The following SDC2 variants were observed in gnomAD, a reference collection of about 807,000 sequenced individuals.
SDC2 encodes syndecan 2.
In SDC2, 13 loss-of-function variants were observed where a neutral mutation model predicts 22.2. That is an observed-to-expected ratio of 0.59 (90% CI 0.38 to 0.93). SDC2 has a LOEUF of 0.93. Ranked by LOEUF, SDC2 falls within the 40% of genes least tolerant of loss-of-function variation. SDC2 has a pLI of 0.00. For missense variants in SDC2, 235 were observed against 246.8 expected, an observed-to-expected ratio of 0.95 and a Z score of 0.32; for synonymous variants, 94 against 92.8, an observed-to-expected ratio of 1.01 and a Z score of -0.07.
At chr8:96,530,389 T>C (rs1813641477) in intron 1 of SDC2, among the ~76,000 whole-genome samples, 1 of 152,218 alleles carries the variant, frequency 6.6e-6, no homozygotes, top group Admixed American at 6.5e-5. Context: ...ATCCCAGCAC[T>C]TTGGGAGGCC....
Position 96,494,275 on chromosome 8 carries a change from C to G in SDC2, c.4C>G (p.Arg2Gly). M[R>G]RAWILLTLGL... ...GAGCAGCCGGTCCCTGGGGAATATG[C>G]GGCGCGCGTGGATCCTGCTCACCTT... Residue 2 changes from arginine (R) to glycine (G), a missense_variant, in exon 1 of 5, where the codon CGG becomes GGG. By Grantham distance (125) the Arg-to-Gly change is moderately radical (BLOSUM62 -2). Coordinates refer to ENST00000302190, the MANE Select transcript of SDC2 (RefSeq NM_002998.4). 6.5e-7 allele frequency: 1 copy of G among 1,545,218 alleles called. No individual in the cohort carries two copies. Among genetic ancestry groups the G allele is most frequent in the Non-Finnish European group, 8.7e-7 (1 of 1,148,678 alleles).
chr8:96,583,685 A>ATATG (rs1814631832), intron 1 of SDC2, among the ~76,000 whole-genome samples: 2 of 142,616 alleles, frequency 1.4e-5, no homozygotes, highest in South Asian at 2.3e-4. Flanking sequence ...TTTGAAATAT[A>ATATG]TGTGTGTGTG....
At chr8:96,554,261 AC>A (rs1454452562) in intron 1 of SDC2, among the ~76,000 whole-genome samples, 2 of 152,200 alleles carry the variant, frequency 1.3e-5, no homozygotes, top group Non-Finnish European at 2.9e-5. Context: ...GTATTGAAAT[AC>A]GTATTTGAGT....
intron 1 of SDC2, among the ~76,000 whole-genome samples, chr8:96,559,712 G>A (rs2439528): frequency 0.91 from 138,877 of 152,202 alleles, 63,599 homozygotes; most frequent in African/African-American, 0.94. Flanking sequence ...AGGTCTTGTA[G>A]TCTCCATTCT....
chr8:96,591,026 T>G (rs985353845), intron 1 of SDC2, among the ~76,000 whole-genome samples: 1 of 152,172 alleles, frequency 6.6e-6, no homozygotes, highest in Non-Finnish European at 1.5e-5. Context: ...CTTGTCAGAC[T>G]GCCAGTGTGG....
rs1814787891 is a variant in SDC2, at chr8:96,591,903, A to G, written c.61-1577A>G. Reference sequence around the variant, plus strand: ...CCTTTAAAGGAGCTGAGAGCCTAAGAGGAGGCAGTTGATGATAGAGCTGTA... The same window carrying G: ...CCTTTAAAGGAGCTGAGAGCCTAAGGGGAGGCAGTTGATGATAGAGCTGTA... On this transcript the variant is annotated intron_variant, in intron 1 of 4. Coordinates refer to ENST00000302190, the MANE Select transcript of SDC2 (RefSeq NM_002998.4). Among the ~76,000 whole-genome samples the G allele has an allele frequency of 1.3e-5, 2 of 152,142 alleles. 1 individual carries two copies. The highest frequency in any genetic ancestry group is 1.3e-4 in the Admixed American group (2 of 15,266).
chr8:96,602,012 C>A (rs1049762126), intron 2 of SDC2, among the ~76,000 whole-genome samples: 1 of 152,146 alleles, frequency 6.6e-6, no homozygotes, highest in African/African-American at 2.4e-5. Flanking sequence ...CTCTCCTCGG[C>A]CTCCCAAAGT....
At position 96,507,741 on chromosome 8, in the gene SDC2, T is replaced by TAAA. The variant is rs1813263981; in HGVS notation, c.60+13411_60+13412insAAA. On this transcript the variant is annotated intron_variant, in intron 1 of 4. Transcript: ENST00000302190. ...AGAAAACGAACATTCCTTGGATTTT[T>TAAA]ATGCTAAAAATATGTCAGTGCCTTC... Among the ~76,000 whole-genome samples, 4 of 152,370 alleles carry TAAA rather than the reference T, an allele frequency of 2.6e-5. No homozygotes were observed. The South Asian group carries it at 8.3e-4, about 32-fold the overall frequency.
Position 96,593,302 on chromosome 8 carries a change from C to G in SDC2, c.61-178C>G, listed in dbSNP as rs528954910. Among the ~76,000 whole-genome samples the G allele has an allele frequency of 2.6e-4, 40 of 152,316 alleles. No homozygotes were observed. The South Asian group carries it at 4.1e-3, about 16-fold the overall frequency. The stretch of plus-strand genomic sequence containing the variant: ...TTGCAGGTTATTAGTCCGTGCTCAC[C>G]TCTCAAATTGCTGTTAAGTTGTCAG... On this transcript the variant is annotated intron_variant, in intron 1 of 4. Transcript: ENST00000302190.
chr8:96,507,040 A>AG (rs1813252754), intron 1 of SDC2, among the ~76,000 whole-genome samples: 1 of 151,596 alleles, frequency 6.6e-6, no homozygotes, highest in Non-Finnish European at 1.5e-5. Context: ...AAGATAGCTA[A>AG]GTAATCAAAG....
intron 1 of SDC2, among the ~76,000 whole-genome samples, chr8:96,581,868 T>C (rs749292282): frequency 3.3e-5 from 5 of 152,208 alleles, no homozygotes; most frequent in Non-Finnish European, 5.9e-5. Context: ...TTCCCTCTTA[T>C]TGGGCAAGAA....
chr8:96,547,600 G>T (rs1813955242), intron 1 of SDC2, among the ~76,000 whole-genome samples: 1 of 152,156 alleles, frequency 6.6e-6, no homozygotes, highest in Admixed American at 6.6e-5. Flanking sequence ...AGGTGTCTGG[G>T]TATACCTGGG....
intron 1 of SDC2, among the ~76,000 whole-genome samples, chr8:96,500,852 G>A (rs1813150227): frequency 6.6e-6 from 1 of 152,150 alleles, no homozygotes; most frequent in African/African-American, 2.4e-5. Flanking sequence ...ATAGAATTGT[G>A]AATGTCTGTT....
At chr8:96,534,398 T>C (rs1439429248) in intron 1 of SDC2, among the ~76,000 whole-genome samples, 2 of 152,230 alleles carry the variant, frequency 1.3e-5, no homozygotes, top group Non-Finnish European at 2.9e-5. Flanking sequence ...CAATTTCTTG[T>C]GGTGGCACAT....
chr8:96,495,932 T>C (rs1439080548), intron 1 of SDC2, among the ~76,000 whole-genome samples: 4 of 152,212 alleles, frequency 2.6e-5, no homozygotes, highest in Non-Finnish European at 5.9e-5. Flanking sequence ...TTGGTATTAG[T>C]TATCTCCCAG....
At chr8:96,600,300 G>A (rs759523535) in intron 2 of SDC2, among the ~76,000 whole-genome samples, 1 of 152,158 alleles carries the variant, frequency 6.6e-6, no homozygotes, top group Non-Finnish European at 1.5e-5. Context: ...TGTGTTGTCC[G>A]AGGAAGCCTG....
chr8:96,534,624 A>G (rs1226030021), intron 1 of SDC2, among the ~76,000 whole-genome samples: 2 of 151,664 alleles, frequency 1.3e-5, no homozygotes, highest in African/African-American at 4.8e-5. Context: ...TTTTGTAGAG[A>G]CGAGGGCTCG....
chr8:96,608,271 A>AT, intron 3 of SDC2, 64 bp from the exon 4 acceptor site: 1 of 1,533,080 alleles, frequency 6.5e-7, no homozygotes, highest in Non-Finnish European at 8.8e-7. Context: ...ATACTCATCT[A>AT]TTATTTCTTC....
At chr8:96,548,509 C>T (rs1813972167) in intron 1 of SDC2, among the ~76,000 whole-genome samples, 1 of 152,206 alleles carries the variant, frequency 6.6e-6, no homozygotes, top group Non-Finnish European at 1.5e-5. Context: ...TTCTAAGAGT[C>T]ACAGATGCTT....
Sources: gnomAD v4.1 joint callset for allele counts (sites outside exome capture counted in the v4.1 genomes callset) on GRCh38, gnomAD v4.1.1 for gene constraint, MANE v1.5 for transcripts, NCBI Gene and HGNC (gene_info 2026-07-23, HGNC 2026-07-21) for gene names.